The following ABHD14A variants were observed in gnomAD, a reference collection of about 807,000 sequenced individuals.
ABHD14A encodes the protein abhydrolase domain containing 14A.
ABHD14A carries 19 observed loss-of-function variants against 27.0 expected under a neutral mutation model. That is an observed-to-expected ratio of 0.70 (90% CI 0.49 to 1.03). The LOEUF (loss-of-function observed/expected upper bound fraction) is 1.03. ABHD14A is among the 50% of genes least tolerant of loss of function. ABHD14A has a pLI of 0.00. For synonymous variants in ABHD14A, 148 were observed against 158.8 expected (o/e 0.93, Z 0.51); for missense variants, 311 against 344.6 (o/e 0.90, Z 0.77).
rs1208093317 is a variant in ABHD14A at position 51,975,115 on chromosome 3, C to T, written c.-21C>T. The T allele has an allele frequency of 2.3e-6, 3 of 1,290,944 alleles. No individual in the cohort carries two copies. The highest frequency in any genetic ancestry group is 2.9e-6 in the Non-Finnish European group (3 of 1,019,120). 80.0% of individuals were successfully genotyped at this position (1,290,944 alleles called of 1,614,324 possible). On this transcript the variant is annotated 5_prime_UTR_variant, in exon 1 of 5. Transcript: ENST00000273596. Reference sequence around the variant, plus strand: ...CTGGCCGCCTAGAGCCGGAGCGGCCCGCGGAGCTGCGGAGGCAGCCATGGT... The same window carrying T: ...CTGGCCGCCTAGAGCCGGAGCGGCCTGCGGAGCTGCGGAGGCAGCCATGGT...
At chr3:51,977,529 A>G (rs1166135335) in intron 1 of ABHD14A, among the ~76,000 whole-genome samples, 1 of 152,222 alleles carries the variant, frequency 6.6e-6, no homozygotes, top group Non-Finnish European at 1.5e-5. Flanking sequence ...CTTGGTGGAA[A>G]AGAACCTTGT....
At chr3:51,979,731 C>T (rs1197746622) in intron 3 of ABHD14A, among the ~76,000 whole-genome samples, 2 of 152,070 alleles carry the variant, frequency 1.3e-5, no homozygotes, top group East Asian at 3.9e-4. Context: ...GATCCGCCAC[C>T]TCGGCCTCCC....
intron 3 of ABHD14A, chr3:51,979,105 T>G (rs998574260): frequency 5.5e-6 from 1 of 181,398 alleles, no homozygotes; most frequent in Non-Finnish European, 1.2e-5. Flanking sequence ...TTCTGGGTAT[T>G]CCCACATGTA....
At chr3:51,980,750 G>A (rs756472355) in intron 4 of ABHD14A, 86 bp from the exon 5 acceptor site, 37 of 1,564,898 alleles carry the variant, frequency 2.4e-5, no homozygotes, top group Non-Finnish European at 3.2e-5. Flanking sequence ...GAGTTGGATG[G>A]TGTTGGGGAA....
Position 51,977,881 on chromosome 3 carries a change from A to T in ABHD14A, c.80A>T (p.Gln27Leu). Residue 27 changes from glutamine to leucine, a missense_variant, in exon 2 of 5, where the codon CAG (glutamine) becomes CTG (leucine). Physicochemically the swap from Gln to Leu is moderately radical, Grantham distance 113. Coordinates refer to ENST00000273596, the MANE Select transcript of ABHD14A (RefSeq NM_015407.5). ...CCTCTCCCTCTCCAGACTGTGGTACAGACCTCCATGAGCCGGTCCCAGGTA... is the reference window on the plus strand; with the variant it reads ...CCTCTCCCTCTCCAGACTGTGGTACTGACCTCCATGAGCCGGTCCCAGGTA... Reference protein sequence around the residue: ...PLIPLGPTVVQTSMSRSQVAL... With the variant: ...PLIPLGPTVVLTSMSRSQVAL... 6.2e-7 allele frequency: 1 copy of T among 1,613,580 alleles called. No individual in the cohort carries two copies. Among genetic ancestry groups the T allele is most frequent in the Non-Finnish European group, 8.5e-7 (1 of 1,179,648 alleles).
At chr3:51,975,311 C>A (rs1700763012) in intron 1 of ABHD14A, 107 bp downstream of exon 1, 1 of 1,078,786 alleles carries the variant, frequency 9.3e-7, no homozygotes, top group Non-Finnish European at 1.2e-6. Flanking sequence ...AAGAAGCAGA[C>A]GCTGGGGCCG....
intron 1 of ABHD14A, among the ~76,000 whole-genome samples, 196 bp from the exon 2 acceptor site, chr3:51,977,673 CTG>C (rs2106812851): frequency 6.6e-6 from 1 of 152,362 alleles, no homozygotes; most frequent in African/African-American, 2.4e-5. Flanking sequence ...CCTCCTCACA[CTG>C]TGAGGTATCT....
chr3:51,980,462 C>A lies in ABHD14A; in HGVS notation c.467C>A (p.Ala156Glu), dbSNP rs770851638. Residue 156 changes from alanine (A) to glutamate (E), a missense_variant, in exon 4 of 5, where the codon GCG becomes GAG. By Grantham distance (107) the Ala-to-Glu change is moderately radical (BLOSUM62 -1). Transcript: ENST00000273596. ...EAGRAALLER[A>E]LRDLEVQNAV... ...GGGCGGGCAGCGCTGCTGGAGCGGGCGCTGCGGGACCTGGAGGTACAGAAT... is the reference window on the plus strand; with the variant it reads ...GGGCGGGCAGCGCTGCTGGAGCGGGAGCTGCGGGACCTGGAGGTACAGAAT... 6.2e-7 allele frequency: 1 copy of A among 1,612,918 alleles called. No homozygotes were observed. Among genetic ancestry groups the A allele is most frequent in the Non-Finnish European group, 8.5e-7 (1 of 1,180,026 alleles).
At chr3:51,978,189 G>A (rs1176351261) in intron 2 of ABHD14A, 70 bp from the exon 3 acceptor site, 1 of 1,527,674 alleles carries the variant, frequency 6.5e-7, no homozygotes, top group East Asian at 2.5e-5. Context: ...GGCAATGGGA[G>A]AAGCCTAGGA....
intron 1 of ABHD14A, among the ~76,000 whole-genome samples, chr3:51,977,551 C>T (rs1302001657): frequency 6.6e-6 from 1 of 152,244 alleles, no homozygotes; most frequent in African/African-American, 2.4e-5. Flanking sequence ...TGTGAAGTGC[C>T]ACACTCAGGG....
At chr3:51,975,455 T>TTG (rs145087881) in intron 1 of ABHD14A, among the ~76,000 whole-genome samples, 1 of 87,706 alleles carries the variant, frequency 1.1e-5, no homozygotes, top group African/African-American at 4.3e-5. Context: ...CTTATATTTT[T>TTG]GGGGGGGGGG....
At position 51,978,434 on chromosome 3, in the gene ABHD14A, C is replaced by T; in HGVS notation, c.397+60C>T. 2.2e-6 allele frequency: 3 copies of T among 1,375,944 alleles called. No homozygotes were observed. In the South Asian group the frequency reaches 3.8e-5, roughly 17 times the overall value. 85.2% of individuals were successfully genotyped at this position (1,375,944 alleles called of 1,614,324 possible). A position where few individuals can be genotyped will look rare whatever the true frequency, so the allele number is the denominator to read the frequency against. ...TAAGTGTGGCTGGGAGGCAACTGGA[C>T]CCTAGGGTCTGGACAGGCCGTGGCA... On this transcript the variant is annotated intron_variant, in intron 3 of 4. Transcript: ENST00000273596.
Position 51,980,919 on chromosome 3 carries a change from C to A in ABHD14A, c.717C>A (p.His239Gln). ...SLRQLRHLPN[H>Q]SVVKLRNAGH... ...GGCAGCTCCGCCACCTGCCCAACCA[C>A]TCTGTGGTGAAGCTACGCAATGCAG... Residue 239 changes from histidine (H) to glutamine (Q), a missense_variant, in exon 5 of 5, where the codon CAC (histidine) becomes CAA (glutamine). By Grantham distance (24) the His-to-Gln change is conservative. Coordinates refer to ENST00000273596, the MANE Select transcript of ABHD14A (RefSeq NM_015407.5). The A allele has an allele frequency of 2.5e-6, 4 of 1,614,198 alleles. No homozygotes were observed. Among genetic ancestry groups the A allele is most frequent in the Non-Finnish European group, 3.4e-6 (4 of 1,180,020 alleles).
Position 51,975,088 on chromosome 3 carries a change from T to C in ABHD14A, c.-48T>C. 7.8e-7 allele frequency: 1 copy of C among 1,274,750 alleles called. No homozygotes were observed. The highest frequency in any genetic ancestry group is 9.9e-7 in the Non-Finnish European group (1 of 1,009,996). 79.0% of individuals were successfully genotyped at this position (1,274,750 alleles called of 1,614,324 possible). On this transcript the variant is annotated 5_prime_UTR_variant, in exon 1 of 5. Transcript: ENST00000273596. ...CGCAGGCGCGCCGAGATGGCCGCGCTCCTGGCCGCCTAGAGCCGGAGCGGC... is the reference window on the plus strand; with the variant it reads ...CGCAGGCGCGCCGAGATGGCCGCGCCCCTGGCCGCCTAGAGCCGGAGCGGC...
chr3:51,975,197 TG>T lies in ABHD14A; in HGVS notation c.65del (p.Gly22AlafsTer9). The T allele has an allele frequency of 7.9e-7, 1 of 1,267,006 alleles. No individual in the cohort carries two copies. Among genetic ancestry groups the T allele is most frequent in the South Asian group, 2.8e-5 (1 of 36,296 alleles). 78.5% of individuals were successfully genotyped at this position (1,267,006 alleles called of 1,614,324 possible). Reference protein sequence around the residue: ...RLGGARPLIPLGPTVVQTSMS... With the variant: ...RLGGARPLIPXGPTVVQTSMS... ...GGCGGGGCCCGCCCGCTCATCCCGT[TG>T]GGCCCGGTGAGTCTCCCGGGGGAGG... On this transcript the variant is annotated frameshift_variant, in exon 1 of 5. Coordinates refer to ENST00000273596, the MANE Select transcript of ABHD14A (RefSeq NM_015407.5). LOFTEE classifies it high-confidence loss of function.
intron 1 of ABHD14A, among the ~76,000 whole-genome samples, chr3:51,975,822 G>A (rs1348056766): frequency 1.3e-5 from 2 of 152,216 alleles, no homozygotes; most frequent in African/African-American, 2.4e-5. Flanking sequence ...GAGGCTGCAT[G>A]TACATGCAGG....
intron 3 of ABHD14A, 69 bp from the exon 4 acceptor site, chr3:51,980,324 A>T (rs1467082359): frequency 1.4e-6 from 2 of 1,474,146 alleles, no homozygotes; most frequent in African/African-American, 1.4e-5. Flanking sequence ...TTTTTCCCCC[A>T]CTGTGGTGGG....
chr3:51,975,094 C>T lies in ABHD14A; in HGVS notation c.-42C>T. ...CGCGCCGAGATGGCCGCGCTCCTGG[C>T]CGCCTAGAGCCGGAGCGGCCCGCGG... On this transcript the variant is annotated 5_prime_UTR_variant, in exon 1 of 5. Coordinates refer to ENST00000273596, the MANE Select transcript of ABHD14A (RefSeq NM_015407.5). 7.8e-7 allele frequency: 1 copy of T among 1,276,038 alleles called. No individual in the cohort carries two copies. The highest frequency in any genetic ancestry group is 9.9e-7 in the Non-Finnish European group (1 of 1,010,654). The allele number at this position is 1,276,038 out of a possible 1,614,324, so 79.0% of individuals were successfully genotyped here. A position where few individuals can be genotyped will look rare whatever the true frequency, so the allele number is the denominator to read the frequency against.
At position 51,981,128 on chromosome 3, in the gene ABHD14A, A is replaced by G; in HGVS notation, c.*110A>G. ...GGATTGGAGGCCAGAGGCCAGGGTC[A>G]GACCCAGCCAGGACTCCTCATTTCA... On this transcript the variant is annotated 3_prime_UTR_variant, in exon 5 of 5. Transcript: ENST00000273596. The G allele has an allele frequency of 2.5e-6, 3 of 1,215,836 alleles. No individual in the cohort carries two copies. Among genetic ancestry groups the G allele is most frequent in the Middle Eastern group, 2.0e-4 (1 of 5,044 alleles). The allele number at this position is 1,215,836 out of a possible 1,614,324, so 75.3% of individuals were successfully genotyped here. A position where few individuals can be genotyped will look rare whatever the true frequency, so the allele number is the denominator to read the frequency against.
Sources: allele counts gnomAD v4.1 joint callset (sites outside exome capture counted in the v4.1 genomes callset), GRCh38; gene constraint gnomAD v4.1.1; transcripts MANE v1.5; gene names NCBI Gene and HGNC (gene_info 2026-07-23, HGNC 2026-07-21).